CNTN4: variants seen among roughly 807,000 people sequenced by gnomAD.
CNTN4 encodes the protein contactin 4, also known as contactin-4.
A neutral mutation model predicts 122.5 loss-of-function variants in CNTN4; 77 were observed. The ratio of observed to expected loss-of-function variants is 0.63; its 90% confidence interval spans 0.52 to 0.76. The LOEUF (loss-of-function observed/expected upper bound fraction) is 0.76, where lower values mean the gene tolerates loss of function less well. CNTN4 is among the 30% of genes least tolerant of loss of function. The pLI, the probability that CNTN4 is intolerant of heterozygous loss-of-function variation, is 0.00. For missense variants in CNTN4, 1,256 were observed against 1,259.1 expected (o/e 1.00, Z 0.04); for synonymous variants, 512 against 447.0 (o/e 1.15, Z -1.83).
intron 2 of CNTN4, among the ~76,000 whole-genome samples, chr3:2,164,795 C>G (rs541050066): frequency 1.3e-5 from 2 of 151,718 alleles, no homozygotes; most frequent in Non-Finnish European, 2.9e-5. Context: ...TCATGTTTGA[C>G]GGAAAAATGT....
chr3:2,411,170 G>A (rs1324480282), intron 3 of CNTN4, among the ~76,000 whole-genome samples: 1 of 152,082 alleles, frequency 6.6e-6, no homozygotes, highest in African/African-American at 2.4e-5. Context: ...AGGGCCTATC[G>A]GGGTCAGGGG....
At chr3:2,450,450 A>T (rs1308114681) in intron 3 of CNTN4, among the ~76,000 whole-genome samples, 2 of 152,044 alleles carry the variant, frequency 1.3e-5, no homozygotes, top group African/African-American at 4.8e-5. Context: ...GATAGAAGAG[A>T]TGTGTTTGTA....
chr3:2,287,751 GAA>G (rs2041989716), intron 2 of CNTN4, among the ~76,000 whole-genome samples: 1 of 145,298 alleles, frequency 6.9e-6, no homozygotes, highest in Non-Finnish European at 1.5e-5. Context: ...AGAAGAAGAA[GAA>G]GAAGAAGAAG....
At chr3:2,938,457 A>C (rs2094584760) in intron 13 of CNTN4, among the ~76,000 whole-genome samples, 1 of 152,218 alleles carries the variant, frequency 6.6e-6, no homozygotes, top group South Asian at 2.1e-4. Flanking sequence ...GGCTGGAAGA[A>C]AGCAATTTAT....
chr3:2,557,324 A>C (rs79755831), intron 3 of CNTN4, among the ~76,000 whole-genome samples: 1 of 152,232 alleles, frequency 6.6e-6, no homozygotes. Context: ...CTCACATCGC[A>C]TTGCAAGGAG....
chr3:2,776,393 G>T (rs2091319407), intron 6 of CNTN4, among the ~76,000 whole-genome samples: 2 of 148,640 alleles, frequency 1.3e-5, no homozygotes, highest in East Asian at 2.0e-4. Context: ...AGGGTCTGTT[G>T]TCTCAGTCAA....
chr3:2,280,962 C>T (rs1482895397), intron 2 of CNTN4, among the ~76,000 whole-genome samples: 1 of 152,172 alleles, frequency 6.6e-6, no homozygotes, highest in African/African-American at 2.4e-5. Flanking sequence ...TCTCCTTGCT[C>T]TGTTAGTGAA....
At chr3:2,180,467 AAC>A (rs1426977924) in intron 2 of CNTN4, among the ~76,000 whole-genome samples, 2 of 152,124 alleles carry the variant, frequency 1.3e-5, no homozygotes, top group South Asian at 2.1e-4. Context: ...TCAAATAAGA[AAC>A]ACATATTTTG....
At chr3:2,876,247 G>A (rs983384004) in intron 8 of CNTN4, among the ~76,000 whole-genome samples, 1 of 152,122 alleles carries the variant, frequency 6.6e-6, no homozygotes, top group Admixed American at 6.5e-5. Context: ...TGGTGGTGGT[G>A]GTAGAGAAGA....
chr3:2,440,906 A>G (rs2048416459), intron 3 of CNTN4, among the ~76,000 whole-genome samples: 1 of 148,296 alleles, frequency 6.7e-6, no homozygotes, highest in Non-Finnish European at 1.5e-5. Flanking sequence ...TGTATATAAC[A>G]AAAATATATA....
chr3:2,258,184 G>C (rs1043601331), intron 2 of CNTN4, among the ~76,000 whole-genome samples: 1 of 152,276 alleles, frequency 6.6e-6, no homozygotes, highest in African/African-American at 2.4e-5. Flanking sequence ...AGACAGTGTG[G>C]CAATTCCTCA....
chr3:2,718,352 C>G (rs899205679), intron 4 of CNTN4, among the ~76,000 whole-genome samples: 1 of 151,986 alleles, frequency 6.6e-6, no homozygotes, highest in Non-Finnish European at 1.5e-5. Context: ...ATAAATATCT[C>G]TATTATGTGC....
intron 3 of CNTN4, among the ~76,000 whole-genome samples, chr3:2,383,050 G>C (rs1345279595): frequency 6.6e-6 from 1 of 151,754 alleles, no homozygotes; most frequent in East Asian, 1.9e-4. Flanking sequence ...ACTCCAGCCT[G>C]GGTGACAACA....
rs555022717 is a variant in CNTN4, at chr3:2,211,248, A to G, written c.-145+110609A>G. On this transcript the variant is annotated intron_variant, in intron 2 of 24. Coordinates refer to ENST00000418658, the MANE Select transcript of CNTN4 (RefSeq NM_175607.3). The stretch of plus-strand genomic sequence containing the variant: ...AAATGACCAGATCTCGTGAAAACTC[A>G]CTATCACAAAGACAACAGCAAGCCA... Among the ~76,000 whole-genome samples, 9 of 152,212 alleles carry G rather than the reference A, an allele frequency of 5.9e-5. No homozygotes were observed. The East Asian group carries it at 1.7e-3, about 29-fold the overall frequency.
chr3:2,488,343 C>T (rs2076221791), intron 3 of CNTN4, among the ~76,000 whole-genome samples: 1 of 152,212 alleles, frequency 6.6e-6, no homozygotes, highest in Non-Finnish European at 1.5e-5. Context: ...TTCACACATT[C>T]TCCCCATGTC....
At chr3:2,735,076 T>A (rs967858241) in intron 4 of CNTN4, among the ~76,000 whole-genome samples, 1 of 152,140 alleles carries the variant, frequency 6.6e-6, no homozygotes, top group Non-Finnish European at 1.5e-5. Flanking sequence ...CAAAAATAGG[T>A]AAGATACAGT....
intron 4 of CNTN4, among the ~76,000 whole-genome samples, chr3:2,724,920 A>G (rs74997861): frequency 0.015 from 2,212 of 152,066 alleles, 50 homozygotes; most frequent in African/African-American, 0.051. Flanking sequence ...CGTTGGAGAG[A>G]TAGCTGGGGA....
chr3:2,240,326 A>G (rs1024312384), intron 2 of CNTN4, among the ~76,000 whole-genome samples: 4 of 152,122 alleles, frequency 2.6e-5, no homozygotes, highest in Admixed American at 2.6e-4. Context: ...AAAGTGGGAT[A>G]ATAAGGGGAA....
At chr3:2,124,469 CA>C (rs1204075387) in intron 2 of CNTN4, among the ~76,000 whole-genome samples, 7 of 148,390 alleles carry the variant, frequency 4.7e-5, no homozygotes, top group African/African-American at 1.7e-4. Context: ...CACACACACA[CA>C]CACCCCCTTA....
Sources: allele counts gnomAD v4.1 joint callset (sites outside exome capture counted in the v4.1 genomes callset), GRCh38; gene constraint gnomAD v4.1.1; transcripts MANE v1.5; gene names NCBI Gene and HGNC (gene_info 2026-07-23, HGNC 2026-07-21).